The following DCC variants were observed in gnomAD, a reference collection of about 807,000 sequenced individuals.
The protein encoded by DCC is DCC netrin 1 receptor.
In DCC, 58 loss-of-function variants were observed where a neutral mutation model predicts 172.5. That is an observed-to-expected ratio of 0.34 (90% CI 0.27 to 0.42). The LOEUF (loss-of-function observed/expected upper bound fraction) is 0.42. DCC is among the 10% of genes least tolerant of loss of function. DCC has a pLI of 1.00. For missense variants in DCC, 1,740 were observed against 1,791.0 expected (o/e 0.97, Z 0.51); for synonymous variants, 709 against 644.5 (o/e 1.10, Z -1.52).
At chr18:53,490,932 A>AATTTC (rs1410917130) in intron 26 of DCC, among the ~76,000 whole-genome samples, 1 of 152,200 alleles carries the variant, frequency 6.6e-6, no homozygotes, top group East Asian at 1.9e-4. Context: ...ACACAACAGA[A>AATTTC]ATTGTCCCTT....
At chr18:52,718,794 C>G (rs1310653772) in intron 1 of DCC, among the ~76,000 whole-genome samples, 1 of 152,176 alleles carries the variant, frequency 6.6e-6, no homozygotes, top group East Asian at 1.9e-4. Context: ...GGGCCCTCAT[C>G]TCTGTGTCAG....
At chr18:53,017,434 T>G (rs914533253) in intron 5 of DCC, among the ~76,000 whole-genome samples, 8 of 152,186 alleles carry the variant, frequency 5.3e-5, no homozygotes, top group African/African-American at 1.9e-4. Flanking sequence ...TTTTAGTGGT[T>G]TCTATCTCTA....
At chr18:53,512,380 TGGAAACTCTAA>T (rs1201424353) in intron 27 of DCC, among the ~76,000 whole-genome samples, 1 of 150,548 alleles carries the variant, frequency 6.6e-6, no homozygotes, top group Non-Finnish European at 1.5e-5. Context: ...ACAGAAAAAC[TGGAAACTCTAA>T]AAAGCAGAGC....
At chr18:53,247,059 T>G (rs1197105179) in intron 12 of DCC, among the ~76,000 whole-genome samples, 1 of 152,064 alleles carries the variant, frequency 6.6e-6, no homozygotes, top group Non-Finnish European at 1.5e-5. Context: ...ACTCAGAGAA[T>G]AGAGCATTAC....
intron 5 of DCC, among the ~76,000 whole-genome samples, chr18:53,055,861 T>C (rs1254893050): frequency 2.0e-5 from 3 of 152,192 alleles, no homozygotes; most frequent in South Asian, 2.1e-4. Flanking sequence ...GGAAGGAGTA[T>C]GCATTTAAAG....
chr18:52,714,108 C>T (rs889304321), intron 1 of DCC, among the ~76,000 whole-genome samples: 7 of 152,138 alleles, frequency 4.6e-5, no homozygotes, highest in Non-Finnish European at 1.0e-4. Flanking sequence ...ATGACAAATG[C>T]TATGACTATC....
At chr18:53,502,916 C>A (rs1020147948) in intron 27 of DCC, among the ~76,000 whole-genome samples, 1 of 151,830 alleles carries the variant, frequency 6.6e-6, no homozygotes, top group Non-Finnish European at 1.5e-5. Context: ...CATAGTTAAA[C>A]GTGTGCCATG....
intron 1 of DCC, among the ~76,000 whole-genome samples, chr18:52,600,373 CTT>C (rs2033992383): frequency 1.3e-5 from 2 of 152,172 alleles, no homozygotes. Context: ...CATTTGCACT[CTT>C]TTGCTAGTAC....
intron 1 of DCC, among the ~76,000 whole-genome samples, chr18:52,725,608 TGTG>T (rs1237908797): frequency 6.6e-6 from 1 of 152,098 alleles, no homozygotes; most frequent in East Asian, 1.9e-4. Flanking sequence ...TGTCTTGGTT[TGTG>T]GGGGAGGTGT....
chr18:52,952,326 C>T (rs988334898), intron 5 of DCC, among the ~76,000 whole-genome samples: 5 of 152,272 alleles, frequency 3.3e-5, no homozygotes, highest in African/African-American at 9.6e-5. Context: ...TAAACATCCC[C>T]TCTATTAATG....
At chr18:53,209,741 T>G (rs1270535116) in intron 11 of DCC, among the ~76,000 whole-genome samples, 1 of 152,218 alleles carries the variant, frequency 6.6e-6, no homozygotes, top group African/African-American at 2.4e-5. Flanking sequence ...AATAAATTAC[T>G]TCACAACTTA....
At chr18:52,808,599 G>C (rs1260508206) in intron 2 of DCC, among the ~76,000 whole-genome samples, 1 of 152,116 alleles carries the variant, frequency 6.6e-6, no homozygotes, top group Non-Finnish European at 1.5e-5. Context: ...ATTTTGGAAG[G>C]GATAATGATG....
intron 1 of DCC, among the ~76,000 whole-genome samples, chr18:52,432,539 A>G (rs1337209087): frequency 6.6e-6 from 1 of 152,188 alleles, no homozygotes; most frequent in Non-Finnish European, 1.5e-5. Flanking sequence ...TTTATTAAAG[A>G]AAAACAAATA....
chr18:53,118,314 C>T (rs1263040123), intron 7 of DCC, among the ~76,000 whole-genome samples: 1 of 151,760 alleles, frequency 6.6e-6, no homozygotes, highest in Non-Finnish European at 1.5e-5. Context: ...ATTTTGACTA[C>T]TACCTTCGTC....
intron 8 of DCC, 78 bp downstream of exon 8, chr18:53,157,590 G>C: frequency 6.8e-7 from 1 of 1,478,802 alleles, no homozygotes; most frequent in Non-Finnish European, 9.3e-7. Flanking sequence ...GGCAGGAGGA[G>C]ATCTTGGGCA....
intron 5 of DCC, among the ~76,000 whole-genome samples, chr18:52,963,876 T>C (rs915817214): frequency 1.2e-4 from 18 of 152,082 alleles, no homozygotes; most frequent in Admixed American, 7.9e-4. Context: ...AAGTGTATTA[T>C]AGTCTTAGCC....
chr18:53,282,674 C>A (rs2056886980), intron 12 of DCC, among the ~76,000 whole-genome samples: 1 of 152,090 alleles, frequency 6.6e-6, no homozygotes, highest in Non-Finnish European at 1.5e-5. Flanking sequence ...TTATCTCTCA[C>A]TTTTAAGGAC....
In DCC at chr18:52,902,571, G is replaced by A. The variant is rs368802241; in HGVS notation, c.413-3473G>A. On this transcript the variant is annotated intron_variant, in intron 2 of 28. Transcript: ENST00000442544. ...CATTAGAACATTAGATGACTTTTAC[G>A]AAAATATAGTATTTCATACGTATGC... Among the ~76,000 whole-genome samples the A allele has an allele frequency of 3.9e-5, 6 of 152,228 alleles. No homozygotes were observed. The East Asian group carries it at 7.7e-4, about 20-fold the overall frequency.
intron 7 of DCC, among the ~76,000 whole-genome samples, chr18:53,151,557 A>T (rs2043995771): frequency 6.6e-6 from 1 of 152,214 alleles, no homozygotes; most frequent in Non-Finnish European, 1.5e-5. Flanking sequence ...ATTGTCAATT[A>T]GATTTTACCA....
Sources: gnomAD v4.1 joint callset for allele counts (sites outside exome capture counted in the v4.1 genomes callset) on GRCh38, gnomAD v4.1.1 for gene constraint, MANE v1.5 for transcripts, NCBI Gene and HGNC (gene_info 2026-07-23, HGNC 2026-07-21) for gene names.